Variants in SPATA16 observed in about 807,000 individuals in gnomAD.
SPATA16 encodes spermatogenesis-associated protein 16.
Under a neutral mutation model 63.3 loss-of-function variants are expected in SPATA16, and 36 were observed. That is an observed-to-expected ratio of 0.57 (90% confidence interval 0.44 to 0.75). SPATA16 has a LOEUF of 0.75. Among genes scored for constraint, SPATA16 ranks in the 30% least tolerant of loss-of-function variants. SPATA16 has a pLI of 0.00. For synonymous variants in SPATA16, 203 were observed against 216.7 expected, an observed-to-expected ratio of 0.94 and a Z score of 0.56; for missense variants, 646 against 679.3, an observed-to-expected ratio of 0.95 and a Z score of 0.54.
intron 4 of SPATA16, among the ~76,000 whole-genome samples, chr3:172,992,941 G>A (rs1284383251): frequency 6.6e-6 from 1 of 152,136 alleles, no homozygotes; most frequent in East Asian, 1.9e-4. Context: ...TCACTTGATA[G>A]AGGCAATTCA....
chr3:172,975,329 A>G (rs1734129802), intron 5 of SPATA16, among the ~76,000 whole-genome samples: 1 of 152,174 alleles, frequency 6.6e-6, no homozygotes, highest in African/African-American at 2.4e-5. Flanking sequence ...TCTTAGTTCA[A>G]TGTAGAAAAC....
chr3:173,031,139 A>T (rs1735595048), intron 3 of SPATA16, among the ~76,000 whole-genome samples: 1 of 152,012 alleles, frequency 6.6e-6, no homozygotes, highest in Non-Finnish European at 1.5e-5. Flanking sequence ...AGATTGGAAG[A>T]GTTCTGGAAA....
intron 3 of SPATA16, 67 bp downstream of exon 3, chr3:173,048,881 CA>C: frequency 6.4e-7 from 1 of 1,568,900 alleles, no homozygotes. Context: ...GGTGATCAGG[CA>C]AGCTCAGATA....
intron 2 of SPATA16, among the ~76,000 whole-genome samples, chr3:173,110,619 T>G (rs753421933): frequency 6.6e-6 from 1 of 152,110 alleles, no homozygotes; most frequent in African/African-American, 2.4e-5. Flanking sequence ...CAATAAACAA[T>G]TCTTGATGTT....
At chr3:173,062,774 A>G (rs1202206446) in intron 2 of SPATA16, among the ~76,000 whole-genome samples, 1 of 152,156 alleles carries the variant, frequency 6.6e-6, no homozygotes, top group Non-Finnish European at 1.5e-5. Flanking sequence ...CATTTTTTCC[A>G]CGGACAGGTT....
chr3:173,015,946 A>G (rs1051028746), intron 4 of SPATA16, among the ~76,000 whole-genome samples: 1 of 152,012 alleles, frequency 6.6e-6, no homozygotes, highest in African/African-American at 2.4e-5. Context: ...CATTCATTCT[A>G]TGTCAACACA....
intron 1 of SPATA16, among the ~76,000 whole-genome samples, chr3:173,118,458 T>C (rs1737968433): frequency 6.6e-6 from 1 of 152,200 alleles, no homozygotes; most frequent in African/African-American, 2.4e-5. Flanking sequence ...TTTCTAAACA[T>C]TAATGCTCAA....
intron 2 of SPATA16, among the ~76,000 whole-genome samples, chr3:173,100,209 C>G (rs1339082128): frequency 6.6e-6 from 1 of 152,138 alleles, no homozygotes; most frequent in Non-Finnish European, 1.5e-5. Context: ...CCTGTTGCCT[C>G]AAATATCACA....
intron 2 of SPATA16, among the ~76,000 whole-genome samples, chr3:173,084,043 ATGGAATTGC>A (rs1264237068): frequency 6.6e-6 from 1 of 152,178 alleles, no homozygotes; most frequent in Non-Finnish European, 1.5e-5. Context: ...CTACCCAGTA[ATGGAATTGC>A]TGGGTCAAAT....
chr3:173,116,146 C>A (rs1737894292), intron 2 of SPATA16, among the ~76,000 whole-genome samples: 1 of 152,184 alleles, frequency 6.6e-6, no homozygotes, highest in Admixed American at 6.5e-5. Context: ...TTCACCTTGG[C>A]TTCCCAAAGT....
At chr3:173,091,264 G>C (rs902505715) in intron 2 of SPATA16, among the ~76,000 whole-genome samples, 1 of 152,066 alleles carries the variant, frequency 6.6e-6, no homozygotes, top group African/African-American at 2.4e-5. Context: ...AGTAAGAAGA[G>C]AGAATAGACC....
At chr3:172,901,286 A>C (rs1307843526) in intron 10 of SPATA16, among the ~76,000 whole-genome samples, 1 of 151,292 alleles carries the variant, frequency 6.6e-6, no homozygotes, top group Non-Finnish European at 1.5e-5. Context: ...TGCAACCTCC[A>C]CCTCCCGGGT....
At chr3:172,905,772 C>T (rs1425385019) in intron 10 of SPATA16, among the ~76,000 whole-genome samples, 1 of 152,056 alleles carries the variant, frequency 6.6e-6, no homozygotes, top group Non-Finnish European at 1.5e-5. Context: ...AAAGGATTAC[C>T]TATACTCTAT....
chr3:173,093,076 C>CACACAT (rs372317726), intron 2 of SPATA16, among the ~76,000 whole-genome samples: 15,466 of 142,926 alleles, frequency 0.11, 832 homozygotes, highest in African/African-American at 0.12. Context: ...CACACACACA[C>CACACAT]ATATATATAT....
chr3:173,077,362 G>C (rs958507348), intron 2 of SPATA16, among the ~76,000 whole-genome samples: 5 of 152,076 alleles, frequency 3.3e-5, no homozygotes, highest in Non-Finnish European at 7.4e-5. Context: ...AATACTTTAG[G>C]AGAAAAGAGG....
chr3:172,913,810 G>C, intron 9 of SPATA16, 66 bp from the exon 10 acceptor site: 1 of 1,360,614 alleles, frequency 7.3e-7, no homozygotes, highest in South Asian at 1.2e-5. Context: ...TAAATACACA[G>C]ATTAAAACCT....
At chr3:173,063,083 C>G (rs1393223496) in intron 2 of SPATA16, among the ~76,000 whole-genome samples, 1 of 152,152 alleles carries the variant, frequency 6.6e-6, no homozygotes, top group Admixed American at 6.5e-5. Context: ...ACTAATATTG[C>G]TTTCTTAATT....
chr3:173,040,658 T>C (rs772458147), intron 3 of SPATA16, among the ~76,000 whole-genome samples: 1 of 152,194 alleles, frequency 6.6e-6, no homozygotes, highest in African/African-American at 2.4e-5. Flanking sequence ...GATGGTATGA[T>C]TTTCATCATT....
At chr3:172,966,625 A>G (rs1184036055) in intron 5 of SPATA16, among the ~76,000 whole-genome samples, 1 of 152,216 alleles carries the variant, frequency 6.6e-6, no homozygotes, top group African/African-American at 2.4e-5. Flanking sequence ...ATCATGAAAA[A>G]GAGAATGATT....
Sources: gnomAD v4.1 joint callset for allele counts (sites outside exome capture counted in the v4.1 genomes callset) on GRCh38, gnomAD v4.1.1 for gene constraint, MANE v1.5 for transcripts, NCBI Gene and HGNC (gene_info 2026-07-23, HGNC 2026-07-21) for gene names.